Variants in MYO1H observed in about 807,000 individuals in gnomAD.
MYO1H encodes the protein unconventional myosin-Ih.
In MYO1H, 118 loss-of-function variants were observed where a neutral mutation model predicts 149.3. The observed-to-expected ratio is 0.79, with a 90% CI of 0.68 to 0.92. The LOEUF (loss-of-function observed/expected upper bound fraction) is 0.92, where lower values mean the gene tolerates loss of function less well. Among genes scored for constraint, MYO1H ranks in the 40% least tolerant of loss-of-function variants. The probability of loss-of-function intolerance (pLI) is 0.00; values close to 1 mark genes in which losing one functional copy is unlikely to be tolerated. For synonymous variants in MYO1H, 447 were observed against 465.2 expected, an observed-to-expected ratio of 0.96 and a Z score of 0.50; for missense variants, 1,212 against 1,280.7, an observed-to-expected ratio of 0.95 and a Z score of 0.82.
chr12:109,363,502 C>G (rs1473768086), intron 1 of MYO1H, among the ~76,000 whole-genome samples: 1 of 151,906 alleles, frequency 6.6e-6, no homozygotes, highest in Non-Finnish European at 1.5e-5. Flanking sequence ...CACTTGAGGT[C>G]AAGAGTTTGA....
intron 2 of MYO1H, among the ~76,000 whole-genome samples, chr12:109,392,440 C>A (rs1279826966): frequency 3.3e-5 from 5 of 152,134 alleles, no homozygotes; most frequent in African/African-American, 1.2e-4. Context: ...GAAGTCTTCC[C>A]GGCCAGGCGC....
intron 2 of MYO1H, among the ~76,000 whole-genome samples, chr12:109,393,063 C>T (rs1449035733): frequency 2.6e-5 from 4 of 152,024 alleles, no homozygotes; most frequent in African/African-American, 9.7e-5. Context: ...CCGCCTCGGC[C>T]TCCCAAAGTG....
At chr12:109,359,046 A>G (rs1344982579) in intron 1 of MYO1H, among the ~76,000 whole-genome samples, 5 of 151,888 alleles carry the variant, frequency 3.3e-5, no homozygotes, top group African/African-American at 9.7e-5. Flanking sequence ...GTTAGCAAAG[A>G]TGGTTTTCGG....
chr12:109,326,486 A>ATATTTTATTTTATTT, the MYO1H span, among the ~76,000 whole-genome samples: 1,610 of 137,436 alleles, frequency 0.012, 34 homozygotes, highest in African/African-American at 0.033. Flanking sequence ...CCTTTTTTTT[A>ATATTTTATTTTATTT]TATTTTATTT....
intron 3 of MYO1H, among the ~76,000 whole-genome samples, chr12:109,396,149 C>T (rs1013843780): frequency 6.6e-6 from 1 of 152,076 alleles, no homozygotes; most frequent in African/African-American, 2.4e-5. Context: ...TCTCGAACTC[C>T]TGACCTCAAG....
At chr12:109,312,157 CACTT>C in the MYO1H span, among the ~76,000 whole-genome samples, 1 of 152,082 alleles carries the variant, frequency 6.6e-6, no homozygotes, top group African/African-American at 2.4e-5. Flanking sequence ...AGTATTAACT[CACTT>C]GGCAAGCTGA....
exon 6 of MYO1H, chr12:109,401,138 T>A (rs1290256213): frequency 3.1e-6 from 5 of 1,613,786 alleles, no homozygotes; most frequent in African/African-American, 2.7e-5. Context: ...GATAGAGAAG[T>A]CCCGAGTTGT....
chr12:109,336,582 C>T, the MYO1H span, among the ~76,000 whole-genome samples: 1 of 152,146 alleles, frequency 6.6e-6, no homozygotes, highest in Non-Finnish European at 1.5e-5. Context: ...AGGCTAAGTA[C>T]CAACAGTTTA....
chr12:109,316,355 C>T, the MYO1H span, among the ~76,000 whole-genome samples: 7 of 152,248 alleles, frequency 4.6e-5, no homozygotes, highest in Non-Finnish European at 5.9e-5. Flanking sequence ...ATTGTGTGTT[C>T]GGATCATGCT....
At chr12:109,409,352 T>A (rs1278648750) in intron 10 of MYO1H, among the ~76,000 whole-genome samples, 1 of 141,318 alleles carries the variant, frequency 7.1e-6, no homozygotes, top group African/African-American at 2.7e-5. Context: ...ACTACACAGG[T>A]GATGGCTATG....
At chr12:109,444,370 G>A (rs1872384597) in intron 29 of MYO1H, 62 bp from the exon 30 acceptor site, 8 of 1,566,386 alleles carry the variant, frequency 5.1e-6, no homozygotes, top group Admixed American at 5.0e-5. Context: ...CTTCTCTATT[G>A]GAGTGTCTGT....
chr12:109,403,898 G>C, intron 6 of MYO1H, 84 bp from the exon 7 acceptor site: 1 of 885,468 alleles, frequency 1.1e-6, no homozygotes, highest in South Asian at 1.5e-5. Flanking sequence ...TATAGGACTA[G>C]CTTTTGCATC....
intron 28 of MYO1H, among the ~76,000 whole-genome samples, 187 bp downstream of exon 28, chr12:109,443,836 G>A (rs1045100810): frequency 2.6e-5 from 4 of 151,692 alleles, no homozygotes; most frequent in African/African-American, 7.3e-5. Context: ...CTGGGAATTC[G>A]AAGCTGCAGT....
At chr12:109,347,132 C>T (rs1251662818), upstream of MYO1H, among the ~76,000 whole-genome samples, 6 of 152,140 alleles carry the variant, frequency 3.9e-5, no homozygotes, top group African/African-American at 1.4e-4. Context: ...CGAATGAACC[C>T]AGCACTGAAT....
At chr12:109,406,507 A>G (rs1870400465) in intron 8 of MYO1H, among the ~76,000 whole-genome samples, 1 of 141,166 alleles carries the variant, frequency 7.1e-6, no homozygotes, top group African/African-American at 2.6e-5. Context: ...AAAATTAGCT[A>G]TGAATGGTGG....
chr12:109,316,900 T>C, the MYO1H span, among the ~76,000 whole-genome samples: 1 of 152,210 alleles, frequency 6.6e-6, no homozygotes, highest in Non-Finnish European at 1.5e-5. Context: ...AAATGTTCTT[T>C]CAGTGTGCTT....
chr12:109,386,870 T>C (rs137986564), intron 1 of MYO1H, among the ~76,000 whole-genome samples: 1 of 152,284 alleles, frequency 6.6e-6, no homozygotes, highest in East Asian at 1.9e-4. Context: ...TATTATTATT[T>C]CTTCCTGGCT....
chr12:109,413,557 T>C (rs1870764617), intron 14 of MYO1H, among the ~76,000 whole-genome samples: 1 of 152,174 alleles, frequency 6.6e-6, no homozygotes, highest in Admixed American at 6.6e-5. Flanking sequence ...GAATAATATA[T>C]CACTGTGCAA....
At chr12:109,420,939 C>T (rs1464842154) in intron 15 of MYO1H, 42 bp from the exon 16 acceptor site, 5 of 1,034,242 alleles carry the variant, frequency 4.8e-6, no homozygotes, top group Non-Finnish European at 6.0e-6. Context: ...TATTTTTAGG[C>T]AGAGACATTG....
Sources: allele counts gnomAD v4.1 joint callset (sites outside exome capture counted in the v4.1 genomes callset), GRCh38; gene constraint gnomAD v4.1.1; transcripts MANE v1.5; gene names NCBI Gene and HGNC (gene_info 2026-07-23, HGNC 2026-07-21).